RHCG: variants seen among roughly 807,000 people sequenced by gnomAD.
RHCG encodes the protein Rh family C glycoprotein, also known as ammonium transporter Rh type C.
In RHCG, 39 loss-of-function variants were observed where a neutral mutation model predicts 55.3. The observed-to-expected ratio is 0.70, with a 90% confidence interval of 0.55 to 0.92. RHCG has a LOEUF of 0.92. Among genes scored for constraint, RHCG ranks in the 40% least tolerant of loss-of-function variants. The probability of loss-of-function intolerance (pLI) is 0.00; values close to 1 mark genes in which losing one functional copy is unlikely to be tolerated. For missense variants in RHCG, 635 were observed against 627.9 expected (o/e 1.01, Z -0.12); for synonymous variants, 250 against 246.8 (o/e 1.01, Z -0.12).
intron 3 of RHCG, among the ~76,000 whole-genome samples, chr15:89,481,861 G>C (rs1341969174): frequency 2.0e-5 from 3 of 152,120 alleles, no homozygotes; most frequent in Non-Finnish European, 4.4e-5. Flanking sequence ...GAGTGCAATG[G>C]CGTGATCTCG....
At chr15:89,480,466 C>A in intron 3 of RHCG, 58 bp from the exon 4 acceptor site, 1 of 1,570,358 alleles carries the variant, frequency 6.4e-7, no homozygotes. Context: ...TCCTCATTGC[C>A]GTCCCTGTCT....
At chr15:89,490,312 G>A (rs1321476110) in intron 1 of RHCG, among the ~76,000 whole-genome samples, 1 of 152,264 alleles carries the variant, frequency 6.6e-6, no homozygotes, top group Non-Finnish European at 1.5e-5. Flanking sequence ...AGGAGGCTTA[G>A]GGGGCTTGGC....
At chr15:89,485,836 A>G (rs1412952185) in intron 2 of RHCG, among the ~76,000 whole-genome samples, 1 of 152,256 alleles carries the variant, frequency 6.6e-6, no homozygotes, top group Non-Finnish European at 1.5e-5. Flanking sequence ...GACCAGAGCA[A>G]CACAAATTGC....
intron 3 of RHCG, 57 bp from the exon 4 acceptor site, chr15:89,480,465 C>A: frequency 1.9e-6 from 3 of 1,570,370 alleles, no homozygotes; most frequent in Admixed American, 1.7e-5. Flanking sequence ...CTCCTCATTG[C>A]CGTCCCTGTC....
At chr15:89,476,971 A>T (rs913570642) in intron 8 of RHCG, 111 bp downstream of exon 8, 3 of 1,560,390 alleles carry the variant, frequency 1.9e-6, no homozygotes, top group Non-Finnish European at 2.6e-6. Flanking sequence ...AAGTGCAGAG[A>T]TCAGGGATTC....
chr15:89,483,183 A>G lies in RHCG; in HGVS notation c.406T>C (p.Cys136Arg). 1 of 1,590,012 alleles carries G rather than the reference A, an allele frequency of 6.3e-7. No individual in the cohort carries two copies. The highest frequency in any genetic ancestry group is 8.6e-7 in the Non-Finnish European group (1 of 1,160,426). ...INADFCVASV[C>R]VAFGAVLGKV... is the part of the protein sequence containing the mutation. ...CCCAGAACTGCCCCAAAGGCCACGC[A>G]GACAGAGGCCACGCAGAAGTCAGCG... Residue 136 changes from cysteine (C) to arginine (R), a missense_variant, in exon 3 of 11, where the codon TGC (cysteine) becomes CGC (arginine). Cys to Arg is a radical substitution (Grantham distance 180). Coordinates refer to ENST00000268122, the MANE Select transcript of RHCG (RefSeq NM_016321.3).
chr15:89,496,410 C>A lies in RHCG; in HGVS notation c.135G>T (p.Thr45=), dbSNP rs531362240. ...TCTCCATGTCGCTCAAGTTCTTGTG[C>A]GTCCTCTCTGACCACCAGTGGGCGT... ...EADAHWWSER[T]HKNLSDMENE... The change falls in exon 1 of 11, where the codon ACG becomes ACT. Residue 45 remains threonine (T), a synonymous_variant. Transcript: ENST00000268122. 1 of 1,614,024 alleles carries A rather than the reference C, an allele frequency of 6.2e-7. No homozygotes were observed. The highest frequency in any genetic ancestry group is 1.7e-5 in the Admixed American group (1 of 60,026).
intron 9 of RHCG, among the ~76,000 whole-genome samples, chr15:89,475,257 T>C (rs762815925): frequency 6.6e-6 from 1 of 152,036 alleles, no homozygotes; most frequent in East Asian, 1.9e-4. Context: ...TTTTCTTCCT[T>C]TTTGGTCTCA....
chr15:89,473,674 G>A (rs998113149), intron 9 of RHCG, among the ~76,000 whole-genome samples: 3 of 152,124 alleles, frequency 2.0e-5, no homozygotes, highest in Non-Finnish European at 4.4e-5. Flanking sequence ...ATTGTGTTAG[G>A]TATTACAAGT....
In RHCG at chr15:89,477,785, C is replaced by T; in HGVS notation, c.975+52G>A. The T allele has an allele frequency of 6.2e-7, 1 of 1,610,302 alleles. No homozygotes were observed. The highest frequency in any genetic ancestry group is 1.3e-5 in the African/African-American group (1 of 74,912). ...GGAACCCTCAGCTCACTGTCAGGAA[C>T]ACAAAGACCTCAGCATTCTCTAGCC... is the stretch of plus-strand genomic sequence containing the variant. On this transcript the variant is annotated intron_variant, in intron 6 of 10. Transcript: ENST00000268122. This position sits in a 1 kb window ranked among gnomAD's most constrained non-coding sequence, Gnocchi z 4.5.
chr15:89,472,702 CA>C lies in RHCG; in HGVS notation c.*24+8del. On this transcript the variant is annotated splice_region_variant and intron_variant, in intron 10 of 10. Coordinates refer to ENST00000268122, the MANE Select transcript of RHCG (RefSeq NM_016321.3). ...TCCCTGTCATCCCCCAAGCCAAGCC[CA>C]TGCTCACCTGCTCCTCACCTGCCCT... is the stretch of plus-strand genomic sequence containing the variant. The C allele has an allele frequency of 2.5e-6, 4 of 1,608,962 alleles. No homozygotes were observed. Among genetic ancestry groups the C allele is most frequent in the Non-Finnish European group, 3.4e-6 (4 of 1,177,364 alleles).
Position 89,471,471 on chromosome 15 carries a change from T to C in RHCG, c.*409A>G, listed in dbSNP as rs141290066. 6.6e-6 allele frequency: 1 copy of C among 152,620 alleles called. No individual in the cohort carries two copies. The highest frequency in any genetic ancestry group is 1.9e-4 in the East Asian group (1 of 5,190). 9.5% of individuals were successfully genotyped at this position (152,620 alleles called of 1,614,324 possible). On this transcript the variant is annotated 3_prime_UTR_variant, in exon 11 of 11. Coordinates refer to ENST00000268122, the MANE Select transcript of RHCG (RefSeq NM_016321.3). ...GCCACGCACACAACACAGAGAGGTC[T>C]GGGGGACCCAGGGAGCATAGGAGAT...
chr15:89,476,866 C>T (rs750354187), intron 8 of RHCG, 38 bp from the exon 9 acceptor site: 141 of 1,583,898 alleles, frequency 8.9e-5, no homozygotes, highest in Non-Finnish European at 1.2e-4. Flanking sequence ...TCAGGAAGTG[C>T]CTTCTCTCTG....
chr15:89,486,408 C>T (rs1206678081), intron 2 of RHCG: 3 of 456,796 alleles, frequency 6.6e-6, no homozygotes, highest in Non-Finnish European at 8.8e-6. Flanking sequence ...TTTGATGTGC[C>T]GGGCCCGGTC....
chr15:89,477,381 A>G lies in RHCG; in HGVS notation c.1112+136T>C, dbSNP rs966478023. 6 of 1,401,002 alleles carry G rather than the reference A, an allele frequency of 4.3e-6. No homozygotes were observed. In the South Asian group the frequency reaches 8.0e-5, roughly 19 times the overall value. 86.8% of individuals were successfully genotyped at this position (1,401,002 alleles called of 1,614,324 possible). A position where few individuals can be genotyped will look rare whatever the true frequency, so the allele number is the denominator to read the frequency against. On this transcript the variant is annotated intron_variant, in intron 7 of 10. Coordinates refer to ENST00000268122, the MANE Select transcript of RHCG (RefSeq NM_016321.3). The surrounding 1 kb of genome is among the most constrained non-coding windows in gnomAD (Gnocchi z 4.5). Reference sequence around the variant, plus strand: ...TCTAAGGGACAGAGTTTGGGGAGAGAGACCCATGAAACAATTGGTCCAGAG... The same window carrying G: ...TCTAAGGGACAGAGTTTGGGGAGAGGGACCCATGAAACAATTGGTCCAGAG...
chr15:89,473,994 T>C (rs910097302), intron 9 of RHCG, among the ~76,000 whole-genome samples: 13 of 152,274 alleles, frequency 8.5e-5, no homozygotes, highest in African/African-American at 3.1e-4. Context: ...GTTTAAGTTC[T>C]GACTTTCTTA....
At chr15:89,479,544 C>T in intron 4 of RHCG, 56 bp from the exon 5 acceptor site, 1 of 1,498,034 alleles carries the variant, frequency 6.7e-7, no homozygotes, top group Non-Finnish European at 9.0e-7. Flanking sequence ...AGATACAGCC[C>T]CACAGCTCAG....
intron 9 of RHCG, 58 bp from the exon 10 acceptor site, chr15:89,472,921 T>C: frequency 1.4e-6 from 2 of 1,393,514 alleles, no homozygotes; most frequent in Non-Finnish European, 1.9e-6. Flanking sequence ...AGGGTGTCCC[T>C]GGTGACTAGA....
At chr15:89,474,432 C>T (rs1000152735) in intron 9 of RHCG, among the ~76,000 whole-genome samples, 1 of 152,182 alleles carries the variant, frequency 6.6e-6, no homozygotes, top group African/African-American at 2.4e-5. Flanking sequence ...GGCCCCTTGT[C>T]CCAGGAGCCA....
Sources: gnomAD v4.1 joint callset for allele counts (sites outside exome capture counted in the v4.1 genomes callset) on GRCh38, gnomAD v4.1.1 for gene constraint, Gnocchi (gnomAD v3.1) non-coding constraint, MANE v1.5 for transcripts, NCBI Gene and HGNC (gene_info 2026-07-23, HGNC 2026-07-21) for gene names.